Variants in ZNF425 observed in about 807,000 individuals in gnomAD.
ZNF425 encodes zinc finger protein 425.
A neutral mutation model predicts 17.0 loss-of-function variants in ZNF425; 21 were observed. That is an observed-to-expected ratio of 1.23 (90% CI 0.88 to 1.78). The LOEUF (loss-of-function observed/expected upper bound fraction) is 1.78. Ranked by LOEUF, ZNF425 falls within the 40% of genes most tolerant of loss-of-function variation. The pLI is 0.00. For missense variants in ZNF425, 868 were observed against 967.3 expected, an observed-to-expected ratio of 0.90 and a Z score of 1.36; for synonymous variants, 433 against 384.1, an observed-to-expected ratio of 1.13 and a Z score of -1.49.
intron 2 of ZNF425, among the ~76,000 whole-genome samples, chr7:149,116,634 T>G (rs1826270978): frequency 6.6e-6 from 1 of 152,100 alleles, no homozygotes; most frequent in Non-Finnish European, 1.5e-5. Flanking sequence ...ATTTTAAAAG[T>G]AAATCACTCC....
chr7:149,104,717 G>A lies in ZNF425; in HGVS notation c.1154C>T (p.Pro385Leu), dbSNP rs993117428. 21 of 1,613,390 alleles carry A rather than the reference G, an allele frequency of 1.3e-5. No homozygotes were observed. Among genetic ancestry groups the A allele is most frequent in the Non-Finnish European group, 1.7e-5 (20 of 1,180,012 alleles). The change falls in exon 4 of 4, where the codon CCG becomes CTG. Residue 385 changes from proline (P) to leucine (L), a missense_variant. Physicochemically the swap from Pro to Leu is moderately conservative, Grantham distance 98. Around this residue, in one of 5 missense-constraint regions of ZNF425, gnomAD observed 243 missense variants for 265.2 expected, o/e 0.92. Coordinates refer to ENST00000378061, the MANE Select transcript of ZNF425 (RefSeq NM_001001661.3). The surrounding 1 kb of genome is among the most constrained non-coding windows in gnomAD (Gnocchi z 4.3). ...CCTGCCACATTCACCACAAGAAAAC[G>A]GCTTTTCCTCGCTGTGCGTCCTCTG... ...THQRTHSEEK[P>L]FSCGECGRKF...
intron 3 of ZNF425, among the ~76,000 whole-genome samples, chr7:149,107,349 T>TTTA (rs1563145502): frequency 4.0e-5 from 5 of 125,312 alleles, no homozygotes; most frequent in African/African-American, 1.8e-4. Flanking sequence ...TTATTTATTT[T>TTTA]TTTTCTGAGA....
rs149202320 is a variant in ZNF425, at chr7:149,105,066, T to A, written c.805A>T (p.Thr269Ser). Residue 269 changes from threonine to serine, a missense_variant, in exon 4 of 4, where the codon ACC becomes TCC. Transcript: ENST00000378061. ...GSLVTHQVVH[T>S]GQRPYPCPEC... ...GGGCATGGGTAGGGCCGCTGGCCGGTGTGGACAACCTGATGAGTGACGAGG... is the reference window on the plus strand; with the variant it reads ...GGGCATGGGTAGGGCCGCTGGCCGGAGTGGACAACCTGATGAGTGACGAGG... 7.1e-5 allele frequency: 114 copies of A among 1,614,082 alleles called. No homozygotes were observed. Among genetic ancestry groups the A allele is most frequent in the Non-Finnish European group, 8.5e-5 (100 of 1,180,050 alleles).
Position 149,115,391 on chromosome 7 carries a change from C to T in ZNF425, c.145+2831G>A, listed in dbSNP as rs372988151. 3.3e-5 allele frequency among the ~76,000 whole-genome samples: 5 copies of T among 151,652 alleles called. No individual in the cohort carries two copies. The East Asian group carries it at 5.9e-4, about 18-fold the overall frequency. ...GTTTTTTGCTGGGTGCGGTGGCTCA[C>T]GCTTGTAATCCCAGTACTTTGGGAG... On this transcript the variant is annotated intron_variant, in intron 2 of 3. Coordinates refer to ENST00000378061, the MANE Select transcript of ZNF425 (RefSeq NM_001001661.3).
chr7:149,120,910 C>A (rs992288287), intron 1 of ZNF425, among the ~76,000 whole-genome samples: 1 of 152,046 alleles, frequency 6.6e-6, no homozygotes, highest in Non-Finnish European at 1.5e-5. Flanking sequence ...TGGATATTAA[C>A]AAAAGAGCTG....
At chr7:149,108,794 A>C (rs1443275707) in intron 3 of ZNF425, among the ~76,000 whole-genome samples, 2 of 152,112 alleles carry the variant, frequency 1.3e-5, no homozygotes, top group African/African-American at 4.8e-5. Flanking sequence ...CGGGAGGCTG[A>C]GGCAGGGGAA....
At position 149,104,770 on chromosome 7, in the gene ZNF425, G is replaced by A. The variant is rs1826047836; in HGVS notation, c.1101C>T (p.Phe367=). 1.9e-6 allele frequency: 3 copies of A among 1,613,316 alleles called. No homozygotes were observed. The highest frequency in any genetic ancestry group is 2.5e-6 in the Non-Finnish European group (3 of 1,179,860). Residue 367 remains phenylalanine, a synonymous_variant, in exon 4 of 4, where the codon TTC becomes TTT. Transcript: ENST00000378061. The surrounding 1 kb of genome is among the most constrained non-coding windows in gnomAD (Gnocchi z 4.3). ...PFHCPECGRS[F]SRKAALKTHQ... is the part of the protein sequence containing the mutation. Reference sequence around the variant, plus strand: ...GGGTCTTCAGGGCAGCCTTCCGGGAGAAGCTCCGGCCACACTCGGGACAGT... The same window carrying A: ...GGGTCTTCAGGGCAGCCTTCCGGGAAAAGCTCCGGCCACACTCGGGACAGT...
At chr7:149,124,821 G>A (rs908691166) in intron 1 of ZNF425, among the ~76,000 whole-genome samples, 1 of 151,968 alleles carries the variant, frequency 6.6e-6, no homozygotes. Flanking sequence ...GATTACTGGC[G>A]TGAGCCACCA....
chr7:149,114,240 TTTTTG>T (rs1349134463), intron 2 of ZNF425, among the ~76,000 whole-genome samples: 1,880 of 40,790 alleles, frequency 0.046, 30 homozygotes, highest in East Asian at 0.26. Flanking sequence ...TTTTTTTTTT[TTTTTG>T]GTATTTTTAG....
intron 3 of ZNF425, among the ~76,000 whole-genome samples, chr7:149,109,879 CTTTTTTT>C (rs59024495): frequency 1.4e-5 from 2 of 140,668 alleles, no homozygotes; most frequent in African/African-American, 2.6e-5. Flanking sequence ...TTTTCTTTTT[CTTTTTTT>C]TTTTTTTGGA....
rs1826001662 is a variant in ZNF425 at position 149,102,883 on chromosome 7, A to G, written c.*729T>C. ...ACCATCTGAGAGAAAATGAAAATCCACTATGAGAGAAAACTGAAGACTTTA... is the reference window on the plus strand; with the variant it reads ...ACCATCTGAGAGAAAATGAAAATCCGCTATGAGAGAAAACTGAAGACTTTA... On this transcript the variant is annotated 3_prime_UTR_variant, in exon 4 of 4. Coordinates refer to ENST00000378061, the MANE Select transcript of ZNF425 (RefSeq NM_001001661.3). The G allele has an allele frequency of 6.6e-6, 1 of 152,226 alleles. No individual in the cohort carries two copies. The highest frequency in any genetic ancestry group is 2.4e-5 in the African/African-American group (1 of 41,474). 9.4% of individuals were successfully genotyped at this position (152,226 alleles called of 1,614,324 possible).
Position 149,103,687 on chromosome 7 carries a change from T to C in ZNF425, c.2184A>G (p.Gly728=). 1 of 1,614,138 alleles carries C rather than the reference T, an allele frequency of 6.2e-7. No homozygotes were observed. The change falls in exon 4 of 4, where the codon GGA becomes GGG. Residue 728 remains glycine (G), a synonymous_variant. Coordinates refer to ENST00000378061, the MANE Select transcript of ZNF425 (RefSeq NM_001001661.3). ...GERPFSCDEC[G]RSFTYVGALK... ...GCGCCCCCACGTACGTGAAGCTCCTTCCACACTCATCACAAGAAAAAGGCC... is the reference window on the plus strand; with the variant it reads ...GCGCCCCCACGTACGTGAAGCTCCTCCCACACTCATCACAAGAAAAAGGCC...
At chr7:149,126,147 AG>A (rs1331830508) in intron 1 of ZNF425, 48 bp downstream of exon 1, 1 of 1,612,582 alleles carries the variant, frequency 6.2e-7, no homozygotes, top group South Asian at 1.1e-5. Flanking sequence ...CAGCTGCGAC[AG>A]GGACCCGAGT....
chr7:149,111,412 A>G (rs1174325592), intron 3 of ZNF425, among the ~76,000 whole-genome samples: 1 of 151,262 alleles, frequency 6.6e-6, no homozygotes, highest in East Asian at 2.0e-4. Context: ...CAATATGGTG[A>G]AACCCCTTCT....
At chr7:149,125,910 G>A (rs1265296212) in intron 1 of ZNF425, 17 of 598,848 alleles carry the variant, frequency 2.8e-5, no homozygotes, top group African/African-American at 3.7e-5. Flanking sequence ...ACAGCGCAGA[G>A]CTCCCGGGCT....
intron 1 of ZNF425, among the ~76,000 whole-genome samples, chr7:149,119,476 T>G (rs750827110): frequency 8.5e-5 from 13 of 152,180 alleles, no homozygotes; most frequent in Non-Finnish European, 1.5e-4. Context: ...TCAAAACAAG[T>G]AAACTGACAT....
At chr7:149,118,102 C>CTT in intron 2 of ZNF425, 120 bp downstream of exon 2, 1 of 1,069,886 alleles carries the variant, frequency 9.3e-7, no homozygotes. Context: ...AGGGAGGAGA[C>CTT]ATTATGAATG....
In ZNF425 at chr7:149,105,535, C is replaced by G. The variant is rs914200340; in HGVS notation, c.336G>C (p.Glu112Asp). 2.0e-6 allele frequency: 3 copies of G among 1,515,152 alleles called. No individual in the cohort carries two copies. The highest frequency in any genetic ancestry group is 1.8e-6 in the Non-Finnish European group (2 of 1,135,922). The allele number at this position is 1,515,152 out of a possible 1,614,324, so 93.9% of individuals were successfully genotyped here. A position where few individuals can be genotyped will look rare whatever the true frequency, so the allele number is the denominator to read the frequency against. Reference sequence around the variant, plus strand: ...TTTGAGGACCATTTAAACGGCAATCCTCTTCTTTTGTCCTGGGAGTTCCTT... The same window carrying G: ...TTTGAGGACCATTTAAACGGCAATCGTCTTCTTTTGTCCTGGGAGTTCCTT... Reference protein sequence around the residue: ...DDEGTPRTKEEDCRLNGPQKQ... With the variant: ...DDEGTPRTKEDDCRLNGPQKQ... The change falls in exon 4 of 4, where the codon GAG becomes GAC. Residue 112 changes from glutamate (E) to aspartate (D), a missense_variant. This residue lies in a region of ZNF425 where 179 missense variants were observed against 216.3 expected (regional missense o/e 0.83). Transcript: ENST00000378061.
At chr7:149,107,341 A>ATTTT (rs1318108441) in intron 3 of ZNF425, among the ~76,000 whole-genome samples, 5 of 123,336 alleles carry the variant, frequency 4.1e-5, no homozygotes, top group African/African-American at 1.9e-4. Flanking sequence ...TTATTTATTT[A>ATTTT]TTTATTTTTT....
Sources: gnomAD v4.1 joint callset for allele counts (sites outside exome capture counted in the v4.1 genomes callset) on GRCh38, gnomAD v4.1.1 for gene constraint, gnomAD v4.1.1 regional missense constraint, Gnocchi (gnomAD v3.1) non-coding constraint, MANE v1.5 for transcripts, NCBI Gene and HGNC (gene_info 2026-07-23, HGNC 2026-07-21) for gene names.